The following PTCHD1 variants were observed in gnomAD, a reference collection of about 807,000 sequenced individuals.
The protein encoded by PTCHD1 is patched domain-containing protein 1.
In PTCHD1, 3 loss-of-function variants were observed where a neutral mutation model predicts 34.6. That is an observed-to-expected ratio of 0.09 (90% CI 0.04 to 0.22). PTCHD1 has a LOEUF of 0.22. Among genes scored for constraint, PTCHD1 ranks in the 10% least tolerant of loss-of-function variants. The pLI is 1.00. For synonymous variants in PTCHD1, 305 were observed against 283.1 expected, an observed-to-expected ratio of 1.08 and a Z score of -0.77; for missense variants, 504 against 685.5, an observed-to-expected ratio of 0.74 and a Z score of 2.96.
chrX:23,347,239 A>G (rs1019119717), intron 1 of PTCHD1, among the ~76,000 whole-genome samples: 3 of 112,324 alleles, frequency 2.7e-5, no homozygotes, highest in African/African-American at 6.5e-5. Flanking sequence ...CTATACCACT[A>G]GAGAAATACT....
chrX:23,349,921 G>A (rs921991694), intron 1 of PTCHD1, among the ~76,000 whole-genome samples: 1 of 109,487 alleles, frequency 9.1e-6, no homozygotes, highest in South Asian at 4.1e-4. Context: ...ATAGGGAGAT[G>A]CCTTCTGTGC....
intron 1 of PTCHD1, 82 bp downstream of exon 1, chrX:23,335,308 A>T (rs1921137827): frequency 4.9e-6 from 4 of 809,739 alleles, no homozygotes; most frequent in East Asian, 3.3e-5. Flanking sequence ...CCCGGCTGAG[A>T]GCGCCACCTC....
At position 23,393,888 on chromosome X, in the gene PTCHD1, C is replaced by A. The variant is rs371092709; in HGVS notation, c.2370C>A (p.Ala790=). The change falls in exon 3 of 3, where the codon GCC becomes GCA. Residue 790 remains alanine, a synonymous_variant. Coordinates refer to ENST00000379361, the MANE Select transcript of PTCHD1 (RefSeq NM_173495.3). ...DFTRTKWVKN[A]LEVHGVAILQ... ...CAAGAACTAAATGGGTAAAAAATGC[C>A]CTGGAAGTGCATGGGGTAGCTATTT... 35 of 1,209,299 alleles carry A rather than the reference C, an allele frequency of 2.9e-5. No individual in the cohort carries two copies. The highest frequency in any genetic ancestry group is 3.9e-5 in the Non-Finnish European group (35 of 894,995).
Position 23,404,342 on chromosome X carries a change from T to C in PTCHD1, c.*10157T>C, listed in dbSNP as rs1282729263. On this transcript the variant is annotated 3_prime_UTR_variant, in exon 3 of 3. Transcript: ENST00000379361. The stretch of plus-strand genomic sequence containing the variant: ...TGTGATGTTTTGATATATGTATGCA[T>C]TGTGGAATGATTAAATCAAGCTAAT... 1 of 112,108 alleles carries C rather than the reference T, an allele frequency of 8.9e-6. No homozygotes were observed. Among genetic ancestry groups the C allele is most frequent in the Non-Finnish European group, 1.9e-5 (1 of 53,281 alleles). 9.2% of individuals were successfully genotyped at this position (112,108 alleles called of 1,213,427 possible). A position where few individuals can be genotyped will look rare whatever the true frequency, so the allele number is the denominator to read the frequency against.
In PTCHD1 at chrX:23,394,409, G is replaced by GACACACACACACACACACAC. The variant is rs34539351; in HGVS notation, c.*247_*266dup. The GACACACACACACACACACAC allele has an allele frequency of 5.7e-3, 1,133 of 200,168 alleles. 21 individuals carry two copies. Among genetic ancestry groups the GACACACACACACACACACAC allele is most frequent in the Non-Finnish European group, 7.1e-3 (812 of 113,952 alleles). 16.5% of individuals were successfully genotyped at this position (200,168 alleles called of 1,213,427 possible). The stretch of plus-strand genomic sequence containing the variant: ...TGTTATGAGAATTCACACACACATA[G>GACACACACACACACACACAC]ACACACACACACACACACACACACA... On this transcript the variant is annotated 3_prime_UTR_variant, in exon 3 of 3. Transcript: ENST00000379361.
Position 23,402,570 on chromosome X carries a change from T to C in PTCHD1, c.*8385T>C, listed in dbSNP as rs962318092. On this transcript the variant is annotated 3_prime_UTR_variant, in exon 3 of 3. Coordinates refer to ENST00000379361, the MANE Select transcript of PTCHD1 (RefSeq NM_173495.3). ...GAATAAAGAGACCCCATATTCTCTTTTGAATTATTGACCTATAATTCCTCT... is the reference window on the plus strand; with the variant it reads ...GAATAAAGAGACCCCATATTCTCTTCTGAATTATTGACCTATAATTCCTCT... 1.8e-5 allele frequency: 2 copies of C among 112,228 alleles called. No individual in the cohort carries two copies. The highest frequency in any genetic ancestry group is 6.5e-5 in the African/African-American group (2 of 30,883). 9.2% of individuals were successfully genotyped at this position (112,228 alleles called of 1,213,427 possible).
chrX:23,342,017 G>T (rs1022790037), intron 1 of PTCHD1, among the ~76,000 whole-genome samples: 3 of 109,360 alleles, frequency 2.7e-5, no homozygotes, highest in African/African-American at 9.9e-5. Flanking sequence ...GCTGATAGGG[G>T]AGTGGGGAAG....
rs1438077547 is a variant in PTCHD1, at chrX:23,380,120, G to A, written c.881G>A (p.Arg294His). 17 of 1,209,914 alleles carry A rather than the reference G, an allele frequency of 1.4e-5. No homozygotes were observed. Among genetic ancestry groups the A allele is most frequent in the Admixed American group, 1.1e-4 (5 of 45,841 alleles). The change falls in exon 2 of 3, where the codon CGC becomes CAC. Residue 294 changes from arginine to histidine, a missense_variant. Physicochemically the swap from Arg to His is conservative, Grantham distance 29. Coordinates refer to ENST00000379361, the MANE Select transcript of PTCHD1 (RefSeq NM_173495.3). ...TGTTGCTCTATGCAGGACTGCGTCCGCAGCAAACCCTGGCTAGGCCTGCTC... is the reference window on the plus strand; with the variant it reads ...TGTTGCTCTATGCAGGACTGCGTCCACAGCAAACCCTGGCTAGGCCTGCTC... Reference protein sequence around the residue: ...ILCCSMQDCVRSKPWLGLLGL... With the variant: ...ILCCSMQDCVHSKPWLGLLGL...
At position 23,401,501 on chromosome X, in the gene PTCHD1, A is replaced by G. The variant is rs762152936; in HGVS notation, c.*7316A>G. The stretch of plus-strand genomic sequence containing the variant: ...TAATGACCCGTTGGCTCTGCTTCAC[A>G]CACACACATACACATTGACACACAT... On this transcript the variant is annotated 3_prime_UTR_variant, in exon 3 of 3. Transcript: ENST00000379361. 8.9e-6 allele frequency: 1 copy of G among 112,717 alleles called. No individual in the cohort carries two copies. The highest frequency in any genetic ancestry group is 1.9e-5 in the Non-Finnish European group (1 of 53,355). 9.3% of individuals were successfully genotyped at this position (112,717 alleles called of 1,213,427 possible).
chrX:23,387,255 G>C (rs1922707093), intron 2 of PTCHD1, among the ~76,000 whole-genome samples: 1 of 111,655 alleles, frequency 9.0e-6, no homozygotes, highest in Non-Finnish European at 1.9e-5. Flanking sequence ...TCAACTATTT[G>C]TTAGTAGATT....
intron 1 of PTCHD1, among the ~76,000 whole-genome samples, chrX:23,378,462 A>T (rs1922469273): frequency 8.9e-6 from 1 of 112,225 alleles, no homozygotes; most frequent in South Asian, 3.7e-4. Context: ...ACATATCTGA[A>T]ATAGAGCATT....
intron 1 of PTCHD1, among the ~76,000 whole-genome samples, chrX:23,357,338 C>G (rs1479082996): frequency 2.7e-5 from 3 of 111,845 alleles, no homozygotes; most frequent in Admixed American, 1.9e-4. Context: ...AAATGAGATA[C>G]CAGTACACAC....
rs1921343899 is a variant in PTCHD1, at chrX:23,342,292, AT to A, written c.351+7067del. ...TATATATATATATATATATATATAT[AT>A]ATATATATATATATATATTTTTTTT... On this transcript the variant is annotated intron_variant, in intron 1 of 2. Coordinates refer to ENST00000379361, the MANE Select transcript of PTCHD1 (RefSeq NM_173495.3). Among the ~76,000 whole-genome samples the A allele has an allele frequency of 5.7e-4, 4 of 7,060 alleles. No individual in the cohort carries two copies. The Admixed American group carries it at 0.013, about 23-fold the overall frequency. 6.1% of individuals were successfully genotyped at this position (7,060 alleles called of 115,157 possible).
At chrX:23,345,893 A>G (rs1921463968) in intron 1 of PTCHD1, among the ~76,000 whole-genome samples, 1 of 111,808 alleles carries the variant, frequency 8.9e-6, no homozygotes, top group African/African-American at 3.3e-5. Context: ...TGAAGTTTGC[A>G]CTGTAAGGCA....
chrX:23,339,057 G>A (rs1921241231), intron 1 of PTCHD1, among the ~76,000 whole-genome samples: 1 of 111,618 alleles, frequency 9.0e-6, no homozygotes, highest in African/African-American at 3.3e-5. Context: ...GCTGCTCATT[G>A]GCAGGGTCCA....
In PTCHD1 at chrX:23,395,112, T is replaced by C. The variant is rs1231297340; in HGVS notation, c.*927T>C. On this transcript the variant is annotated 3_prime_UTR_variant, in exon 3 of 3. Coordinates refer to ENST00000379361, the MANE Select transcript of PTCHD1 (RefSeq NM_173495.3). Reference sequence around the variant, plus strand: ...GCAGGTGTCTACTTGGACCCAGATATAGTGTCTCCATTTTAACAACAACAA... The same window carrying C: ...GCAGGTGTCTACTTGGACCCAGATACAGTGTCTCCATTTTAACAACAACAA... The C allele has an allele frequency of 8.9e-6, 1 of 112,168 alleles. No individual in the cohort carries two copies. Among genetic ancestry groups the C allele is most frequent in the East Asian group, 2.8e-4 (1 of 3,582 alleles). The allele number at this position is 112,168 out of a possible 1,213,427, so 9.2% of individuals were successfully genotyped here. A position where few individuals can be genotyped will look rare whatever the true frequency, so the allele number is the denominator to read the frequency against.
At position 23,393,481 on chromosome X, in the gene PTCHD1, G is replaced by C; in HGVS notation, c.1963G>C (p.Glu655Gln). 1 of 1,210,427 alleles carries C rather than the reference G, an allele frequency of 8.3e-7. No homozygotes were observed. Among genetic ancestry groups the C allele is most frequent in the South Asian group, 1.8e-5 (1 of 56,958 alleles). ...AATGTTTTTGGTGGCCAAGACCATG[G>C]AAACAAACAGAGAAGAACTCTATGA... is the stretch of plus-strand genomic sequence containing the variant. ...SRMFLVAKTM[E>Q]TNREELYDLL... is the part of the protein sequence containing the mutation. The change falls in exon 3 of 3, where the codon GAA becomes CAA. Residue 655 changes from glutamate to glutamine, a missense_variant. Physicochemically the swap from Glu to Gln is conservative, Grantham distance 29. Transcript: ENST00000379361.
intron 1 of PTCHD1, among the ~76,000 whole-genome samples, chrX:23,361,244 TG>T (rs1921974411): frequency 9.0e-6 from 1 of 111,633 alleles, no homozygotes; most frequent in Non-Finnish European, 1.9e-5. Context: ...ATATTGACAG[TG>T]GGGTGTTAAA....
chrX:23,362,102 C>T lies in PTCHD1; in HGVS notation c.352-17489C>T, dbSNP rs936446271. On this transcript the variant is annotated intron_variant, in intron 1 of 2. Transcript: ENST00000379361. ...TTAACATTTTTTCCTTCATTTCAAC[C>T]TTGGAGAATCTGACAATTATGTGTC... Among the ~76,000 whole-genome samples, 2 of 111,973 alleles carry T rather than the reference C, an allele frequency of 1.8e-5. 1 individual carries two copies. Among genetic ancestry groups the T allele is most frequent in the Admixed American group, 1.9e-4 (2 of 10,588 alleles).
Sources: gnomAD v4.1 joint callset for allele counts (sites outside exome capture counted in the v4.1 genomes callset) on GRCh38, gnomAD v4.1.1 for gene constraint, MANE v1.5 for transcripts, NCBI Gene and HGNC (gene_info 2026-07-23, HGNC 2026-07-21) for gene names.